The following UNC5C variants were observed in gnomAD, a reference collection of about 807,000 sequenced individuals.
UNC5C encodes unc-5 netrin receptor C, also known as netrin receptor UNC5C.
Under a neutral mutation model 99.8 loss-of-function variants are expected in UNC5C, and 47 were observed. The observed-to-expected ratio is 0.47, with a 90% CI of 0.37 to 0.60. The LOEUF is 0.60. UNC5C is among the 20% of genes least tolerant of loss of function. The pLI is 0.00. For missense variants in UNC5C, 1,062 were observed against 1,165.9 expected, an observed-to-expected ratio of 0.91 and a Z score of 1.30; for synonymous variants, 487 against 452.2, an observed-to-expected ratio of 1.08 and a Z score of -0.98.
At chr4:95,294,577 A>G (rs1394045903) in intron 3 of UNC5C, among the ~76,000 whole-genome samples, 1 of 152,158 alleles carries the variant, frequency 6.6e-6, no homozygotes, top group Non-Finnish European at 1.5e-5. Flanking sequence ...GGGTGACCAT[A>G]TGGCATGTTC....
chr4:95,425,586 G>A (rs1746458717), intron 1 of UNC5C, among the ~76,000 whole-genome samples: 1 of 152,214 alleles, frequency 6.6e-6, no homozygotes, highest in Admixed American at 6.5e-5. Context: ...TGGGATTACA[G>A]GCGTGAGCCA....
intron 7 of UNC5C, among the ~76,000 whole-genome samples, chr4:95,231,857 T>A (rs1738923248): frequency 6.6e-6 from 1 of 152,158 alleles, no homozygotes; most frequent in Non-Finnish European, 1.5e-5. Flanking sequence ...GAACTCCAAA[T>A]AAATGAATAC....
rs183831728 is a variant in UNC5C, at chr4:95,425,600, C to T, written c.125-89969G>A. ...TTGGGATTACAGGCGTGAGCCACCG[C>T]GCCCGGCCTTGTTAACTTTATTTAC... On this transcript the variant is annotated intron_variant, in intron 1 of 15. Transcript: ENST00000453304. Among the ~76,000 whole-genome samples the T allele has an allele frequency of 5.3e-3, 803 of 152,314 alleles. 5 individuals carry two copies. The highest frequency in any genetic ancestry group is 9.2e-3 in the Non-Finnish European group (623 of 68,028).
At chr4:95,331,986 TAA>T (rs943572274) in intron 2 of UNC5C, among the ~76,000 whole-genome samples, 2 of 151,882 alleles carry the variant, frequency 1.3e-5, no homozygotes, top group African/African-American at 4.8e-5. Flanking sequence ...TCAAAGAGAA[TAA>T]AATACCTAGG....
At chr4:95,225,387 G>T (rs1478821887) in intron 7 of UNC5C, among the ~76,000 whole-genome samples, 2 of 152,018 alleles carry the variant, frequency 1.3e-5, no homozygotes, top group Non-Finnish European at 2.9e-5. Context: ...TATTCTAAGT[G>T]AAATGCATAT....
intron 1 of UNC5C, among the ~76,000 whole-genome samples, chr4:95,481,741 A>C (rs1721162964): frequency 6.6e-6 from 1 of 152,148 alleles, no homozygotes; most frequent in African/African-American, 2.4e-5. Context: ...CGAACCTGAG[A>C]AAAACAAGCA....
chr4:95,326,435 C>G (rs934197188), intron 2 of UNC5C, among the ~76,000 whole-genome samples: 2 of 151,148 alleles, frequency 1.3e-5, no homozygotes, highest in Admixed American at 1.3e-4. Flanking sequence ...AGAAAGCAAA[C>G]AGCTGAGCCT....
intron 12 of UNC5C, among the ~76,000 whole-genome samples, chr4:95,199,771 G>A (rs1737582424): frequency 6.6e-6 from 1 of 152,066 alleles, no homozygotes; most frequent in African/African-American, 2.4e-5. Flanking sequence ...CTTTTGCAAC[G>A]ATTTTCTTGG....
At chr4:95,346,356 A>G (rs1743772073) in intron 1 of UNC5C, among the ~76,000 whole-genome samples, 2 of 152,036 alleles carry the variant, frequency 1.3e-5, no homozygotes, top group Admixed American at 6.6e-5. Context: ...AAACATTTAA[A>G]GAAGAACTAA....
chr4:95,169,175 T>G lies in UNC5C; in HGVS notation c.*59A>C. ...ATTTCCTCCTCAGCTGTGATTCACC[T>G]GGACGGCCACAGACTCCCTGTGCAT... On this transcript the variant is annotated 3_prime_UTR_variant, in exon 16 of 16. Coordinates refer to ENST00000453304, the MANE Select transcript of UNC5C (RefSeq NM_003728.4). The G allele has an allele frequency of 1.5e-5, 24 of 1,597,132 alleles. No homozygotes were observed. Among genetic ancestry groups the G allele is most frequent in the Non-Finnish European group, 2.1e-5 (24 of 1,168,698 alleles).
chr4:95,455,278 AAGCTGGAGAT>A (rs1423012809), intron 1 of UNC5C, among the ~76,000 whole-genome samples: 5 of 152,126 alleles, frequency 3.3e-5, no homozygotes, highest in Admixed American at 2.6e-4. Context: ...AGTGATGTCT[AAGCTGGAGAT>A]AGAGGTAAGG....
chr4:95,411,224 CAT>C (rs1353657788), intron 1 of UNC5C, among the ~76,000 whole-genome samples: 1 of 152,080 alleles, frequency 6.6e-6, no homozygotes, highest in Non-Finnish European at 1.5e-5. Context: ...AGTATACTAT[CAT>C]AACTTTCTGC....
At chr4:95,190,444 C>A (rs1386042599) in intron 12 of UNC5C, among the ~76,000 whole-genome samples, 1 of 152,116 alleles carries the variant, frequency 6.6e-6, no homozygotes, top group African/African-American at 2.4e-5. Context: ...ACATATGTAA[C>A]AAACCTGCAC....
At chr4:95,176,282 G>T (rs1736339440) in intron 14 of UNC5C, among the ~76,000 whole-genome samples, 1 of 152,214 alleles carries the variant, frequency 6.6e-6, no homozygotes, top group African/African-American at 2.4e-5. Context: ...TCCATTGCTG[G>T]TGAGGAACTG....
chr4:95,172,356 G>T (rs1736155147), intron 14 of UNC5C, among the ~76,000 whole-genome samples: 1 of 150,534 alleles, frequency 6.6e-6, no homozygotes, highest in Admixed American at 6.6e-5. Flanking sequence ...TTTCTTCTAG[G>T]GTTTTTATGG....
chr4:95,181,957 A>G (rs960017230), intron 14 of UNC5C, among the ~76,000 whole-genome samples: 1 of 152,174 alleles, frequency 6.6e-6, no homozygotes, highest in Non-Finnish European at 1.5e-5. Flanking sequence ...GCCCGCTGTC[A>G]TTTTCACATA....
At chr4:95,484,203 G>C (rs1721260350) in intron 1 of UNC5C, among the ~76,000 whole-genome samples, 1 of 151,830 alleles carries the variant, frequency 6.6e-6, no homozygotes, top group South Asian at 2.1e-4. Context: ...ATTTGACTTT[G>C]TGCTTCATAA....
chr4:95,250,401 TA>T (rs1249380628), intron 5 of UNC5C, 85 bp downstream of exon 5: 9 of 1,417,530 alleles, frequency 6.3e-6, no homozygotes, highest in South Asian at 2.7e-5. Flanking sequence ...TATGAAATTT[TA>T]AAAAAAGGGC....
chr4:95,213,637 A>G (rs1019551404), intron 10 of UNC5C, among the ~76,000 whole-genome samples: 1 of 152,240 alleles, frequency 6.6e-6, no homozygotes, highest in Non-Finnish European at 1.5e-5. Flanking sequence ...GCAGATGACC[A>G]GCTGGATACC....
Sources: gnomAD v4.1 joint callset for allele counts (sites outside exome capture counted in the v4.1 genomes callset) on GRCh38, gnomAD v4.1.1 for gene constraint, MANE v1.5 for transcripts, NCBI Gene and HGNC (gene_info 2026-07-23, HGNC 2026-07-21) for gene names.